The following USP34 variants were observed in gnomAD, a reference collection of about 807,000 sequenced individuals.
The protein encoded by USP34 is ubiquitin specific peptidase 34.
In USP34, 70 loss-of-function variants were observed where a neutral mutation model predicts 460.3. That is an observed-to-expected ratio of 0.15 (90% CI 0.13 to 0.19). The LOEUF is 0.19. Ranked by LOEUF, USP34 falls within the 10% of genes least tolerant of loss-of-function variation. The pLI, the probability that USP34 is intolerant of heterozygous loss-of-function variation, is 1.00. For synonymous variants in USP34, 1,647 were observed against 1,405.3 expected (o/e 1.17, Z -3.85); for missense variants, 3,985 against 4,236.2 (o/e 0.94, Z 1.65).
chr2:61,256,478 C>G lies in USP34; in HGVS notation c.6127G>C (p.Glu2043Gln). The G allele has an allele frequency of 6.3e-7, 1 of 1,591,860 alleles. No individual in the cohort carries two copies. The change falls in exon 48 of 80, where the codon GAA (glutamate) becomes CAA (glutamine). Residue 2043 changes from glutamate to glutamine, a missense_variant and splice_region_variant. Physicochemically the swap from Glu to Gln is conservative, Grantham distance 29 (BLOSUM62 2). This residue lies in a region of USP34 where 145 missense variants were observed against 291.6 expected (regional missense o/e 0.50). Coordinates refer to ENST00000398571, the MANE Select transcript of USP34 (RefSeq NM_014709.4). ...TTTATAGTAACTTCATCAAGAGATT[C>G]CTGTGTATAAAACCACATTTAAAAG... ...CQVADMKNIY[E>Q]SLDEVTIKDT...
chr2:61,240,833 CA>C (rs1349135470), intron 53 of USP34, among the ~76,000 whole-genome samples: 2 of 151,202 alleles, frequency 1.3e-5, no homozygotes, highest in African/African-American at 4.9e-5. Context: ...CTGAGCTTCC[CA>C]AAGTGCTGGG....
At position 61,278,399 on chromosome 2, in the gene USP34, G is replaced by A; in HGVS notation, c.5301C>T (p.Asp1767=). Residue 1767 remains aspartate (D), a synonymous_variant, in exon 40 of 80, where the codon GAC becomes GAT. Coordinates refer to ENST00000398571, the MANE Select transcript of USP34 (RefSeq NM_014709.4). ...ACATCAAATTTTACCTTCGAATACAGTCAGCCAAATGTCTTGCCAAGGCAT... is the reference window on the plus strand; with the variant it reads ...ACATCAAATTTTACCTTCGAATACAATCAGCCAAATGTCTTGCCAAGGCAT... The part of the protein sequence containing the change: ...DLDALARHLA[D]CIRSREILDH... 1.2e-6 allele frequency: 2 copies of A among 1,606,432 alleles called. No individual in the cohort carries two copies. The highest frequency in any genetic ancestry group is 1.7e-4 in the Middle Eastern group (1 of 5,786).
intron 69 of USP34, among the ~76,000 whole-genome samples, 185 bp from the exon 70 acceptor site, chr2:61,209,162 TA>T (rs1218725581): frequency 2.6e-5 from 4 of 151,970 alleles, no homozygotes; most frequent in Non-Finnish European, 1.5e-5. Flanking sequence ...AAACTCTAAC[TA>T]AAAAAAAGTC....
At chr2:61,372,965 G>A (rs887678159) in intron 8 of USP34, among the ~76,000 whole-genome samples, 9 of 152,106 alleles carry the variant, frequency 5.9e-5, no homozygotes, top group Non-Finnish European at 1.0e-4. Flanking sequence ...ACATATTGTA[G>A]TCAAATGATT....
intron 2 of USP34, among the ~76,000 whole-genome samples, chr2:61,411,290 G>A (rs1219581957): frequency 2.6e-5 from 4 of 151,192 alleles, no homozygotes; most frequent in East Asian, 1.9e-4. Flanking sequence ...GCAAAGATAA[G>A]AGGATTGCTT....
At chr2:61,437,550 G>A (rs1312972176) in intron 1 of USP34, among the ~76,000 whole-genome samples, 2 of 152,036 alleles carry the variant, frequency 1.3e-5, no homozygotes, top group African/African-American at 4.8e-5. Flanking sequence ...GAGGTAGGCA[G>A]ATCACGAGGT....
At chr2:61,294,289 C>A (rs565493806) in intron 32 of USP34, among the ~76,000 whole-genome samples, 2 of 150,066 alleles carry the variant, frequency 1.3e-5, no homozygotes, top group African/African-American at 4.9e-5. Flanking sequence ...GAGCTTGCAG[C>A]AAGCAGAGAT....
At chr2:61,341,755 CTTT>C (rs896288474) in intron 16 of USP34, among the ~76,000 whole-genome samples, 1 of 91,726 alleles carries the variant, frequency 1.1e-5, no homozygotes, top group Non-Finnish European at 2.1e-5. Context: ...TCAGGTCTTT[CTTT>C]TTTTTTTTTT....
rs150763271 is a variant in USP34, at chr2:61,193,952, A to G, written c.9509-972T>C. On this transcript the variant is annotated intron_variant, in intron 75 of 79. Transcript: ENST00000398571. ...TGGCTGTCTTTCAGTAAAACTTTAC[A>G]AACACTGAAATGGGAATCTCATAAT... 3.7e-5 allele frequency: 10 copies of G among 271,158 alleles called. No individual in the cohort carries two copies. In the South Asian group the frequency reaches 8.5e-4, roughly 23 times the overall value. The allele number at this position is 271,158 out of a possible 1,614,324, so 16.8% of individuals were successfully genotyped here. A position where few individuals can be genotyped will look rare whatever the true frequency, so the allele number is the denominator to read the frequency against.
chr2:61,395,715 G>A (rs1693499484), intron 3 of USP34, among the ~76,000 whole-genome samples: 1 of 147,560 alleles, frequency 6.8e-6, no homozygotes, highest in African/African-American at 2.6e-5. Context: ...GAACCCGGAA[G>A]GCGGAGCTTG....
At chr2:61,328,541 C>CA (rs1251254896) in intron 20 of USP34, among the ~76,000 whole-genome samples, 1 of 152,056 alleles carries the variant, frequency 6.6e-6, no homozygotes, top group Non-Finnish European at 1.5e-5. Context: ...GAAATTGTAT[C>CA]AAAATAGTCC....
At chr2:61,188,799 C>T (rs1328600588) in intron 79 of USP34, 90 bp from the exon 80 acceptor site, 1 of 1,565,804 alleles carries the variant, frequency 6.4e-7, no homozygotes, top group Admixed American at 1.9e-5. Flanking sequence ...TTGTTTCTAG[C>T]ATTTATATTT....
chr2:61,398,178 TC>T (rs1325750830), intron 3 of USP34, among the ~76,000 whole-genome samples: 2 of 152,050 alleles, frequency 1.3e-5, no homozygotes, highest in African/African-American at 4.8e-5. Flanking sequence ...AGCCTCGTAC[TC>T]ACGGGCGAGA....
intron 10 of USP34, among the ~76,000 whole-genome samples, chr2:61,361,700 T>C (rs980365966): frequency 2.0e-5 from 3 of 152,136 alleles, no homozygotes; most frequent in Admixed American, 6.6e-5. Flanking sequence ...AGACCTGAAA[T>C]TGTAAAACTA....
intron 1 of USP34, among the ~76,000 whole-genome samples, chr2:61,461,575 G>C (rs980942822): frequency 6.6e-6 from 1 of 152,056 alleles, no homozygotes; most frequent in Non-Finnish European, 1.5e-5. Flanking sequence ...GGCTAGCCTT[G>C]AATTCCAGGG....
intron 5 of USP34, among the ~76,000 whole-genome samples, chr2:61,394,154 T>C (rs1471463321): frequency 6.6e-6 from 1 of 152,076 alleles, no homozygotes; most frequent in Non-Finnish European, 1.5e-5. Flanking sequence ...TCTTTCCATA[T>C]CCACTGTGCT....
intron 5 of USP34, among the ~76,000 whole-genome samples, chr2:61,392,709 A>C (rs561052339): frequency 2.0e-5 from 3 of 152,226 alleles, no homozygotes; most frequent in African/African-American, 7.2e-5. Flanking sequence ...CAAGCTTTCC[A>C]TACTAGACTG....
chr2:61,188,758 T>G (rs931507702), intron 79 of USP34, 49 bp from the exon 80 acceptor site: 1 of 1,593,814 alleles, frequency 6.3e-7, no homozygotes, highest in East Asian at 2.2e-5. Flanking sequence ...GTCATTAAGA[T>G]CACGTTAGGG....
intron 41 of USP34, among the ~76,000 whole-genome samples, chr2:61,266,609 A>G (rs986085978): frequency 6.6e-6 from 1 of 152,186 alleles, no homozygotes; most frequent in Admixed American, 6.5e-5. Flanking sequence ...TACTTTTTCC[A>G]AAATTAAGTC....
Sources: allele counts gnomAD v4.1 joint callset (sites outside exome capture counted in the v4.1 genomes callset), GRCh38; gene constraint gnomAD v4.1.1; regional missense constraint gnomAD v4.1.1; transcripts MANE v1.5; gene names NCBI Gene and HGNC (gene_info 2026-07-23, HGNC 2026-07-21).